Variants in UTRN observed in about 807,000 individuals in gnomAD.
The protein encoded by UTRN is utrophin, also known as dystrophin-related protein 1.
Under a neutral mutation model 463.9 loss-of-function variants are expected in UTRN, and 283 were observed. That is an observed-to-expected ratio of 0.61 (90% CI 0.55 to 0.67). The LOEUF is 0.67. UTRN is among the 30% of genes least tolerant of loss of function. The pLI is 0.00. For missense variants in UTRN, 3,922 were observed against 4,084.3 expected (o/e 0.96, Z 1.08); for synonymous variants, 1,442 against 1,431.5 (o/e 1.01, Z -0.17).
chr6:144,741,745 G>C (rs1298215056), intron 54 of UTRN, among the ~76,000 whole-genome samples: 2 of 152,200 alleles, frequency 1.3e-5, no homozygotes. Flanking sequence ...CTGGTTGTCT[G>C]TTCCAGGGTC....
intron 51 of UTRN, among the ~76,000 whole-genome samples, chr6:144,604,791 T>C (rs1804657106): frequency 6.6e-6 from 1 of 152,136 alleles, no homozygotes; most frequent in Non-Finnish European, 1.5e-5. Context: ...GGCAGGCATC[T>C]GTAATCCCAG....
chr6:144,339,087 C>T (rs997944991), intron 2 of UTRN, among the ~76,000 whole-genome samples: 21 of 152,160 alleles, frequency 1.4e-4, no homozygotes, highest in South Asian at 2.1e-4. Context: ...GGGAAGAGTT[C>T]TGGTTCAGCA....
At chr6:144,798,726 A>G (rs552140429) in intron 64 of UTRN, among the ~76,000 whole-genome samples, 4 of 152,334 alleles carry the variant, frequency 2.6e-5, no homozygotes, top group African/African-American at 7.2e-5. Context: ...GGGAAATTCA[A>G]GATTTTGTGT....
intron 58 of UTRN, among the ~76,000 whole-genome samples, chr6:144,763,598 A>C (rs1027591145): frequency 1.3e-5 from 2 of 152,330 alleles, no homozygotes; most frequent in South Asian, 2.1e-4. Flanking sequence ...CTTCTTTAGA[A>C]GAATTGTGCG....
At position 144,416,495 on chromosome 6, in the gene UTRN, G is replaced by T. The variant is rs1045241294; in HGVS notation, c.142-5383G>T. Among the ~76,000 whole-genome samples the T allele has an allele frequency of 2.0e-5, 3 of 152,040 alleles. No individual in the cohort carries two copies. In the South Asian group the frequency reaches 6.2e-4, roughly 32 times the overall value. On this transcript the variant is annotated intron_variant, in intron 3 of 74. Transcript: ENST00000367545. Reference sequence around the variant, plus strand: ...CAGTTGTTTGCAGCCCTTGCTCCCCGCTAGACCCCCCTGGCTTCTCCCCTT... The same window carrying T: ...CAGTTGTTTGCAGCCCTTGCTCCCCTCTAGACCCCCCTGGCTTCTCCCCTT...
chr6:144,330,422 G>C (rs1157881992), intron 2 of UTRN, among the ~76,000 whole-genome samples: 1 of 152,184 alleles, frequency 6.6e-6, no homozygotes, highest in Non-Finnish European at 1.5e-5. Flanking sequence ...AATTAGTCTG[G>C]AGTATGTAGG....
At chr6:144,660,978 G>A (rs1779810359) in intron 51 of UTRN, among the ~76,000 whole-genome samples, 1 of 152,188 alleles carries the variant, frequency 6.6e-6, no homozygotes, top group Non-Finnish European at 1.5e-5. Context: ...ACCTCCACAT[G>A]CGTGTATGCG....
chr6:144,732,223 T>TATATATACATATATATATATAC, intron 54 of UTRN, among the ~76,000 whole-genome samples: 1 of 43,442 alleles, frequency 2.3e-5, no homozygotes, highest in Middle Eastern at 8.9e-3. Context: ...TTTATATATA[T>TATATATACATATATATATATAC]ATATATATAT....
chr6:144,465,587 A>G (rs183622022), intron 23 of UTRN, among the ~76,000 whole-genome samples: 7 of 152,332 alleles, frequency 4.6e-5, no homozygotes, highest in Admixed American at 2.6e-4. Flanking sequence ...TCTTAATTGT[A>G]TAACTTCTTC....
chr6:144,753,445 T>C (rs553382581), intron 56 of UTRN, among the ~76,000 whole-genome samples: 1 of 152,118 alleles, frequency 6.6e-6, no homozygotes, highest in African/African-American at 2.4e-5. Flanking sequence ...GAAGAGCCTG[T>C]CTCTACAAAA....
At chr6:144,709,018 A>G (rs1179063875) in intron 53 of UTRN, among the ~76,000 whole-genome samples, 1 of 152,190 alleles carries the variant, frequency 6.6e-6, no homozygotes, top group Non-Finnish European at 1.5e-5. Context: ...TGATAATGAC[A>G]TTAGTCCATT....
Position 144,377,285 on chromosome 6 carries a change from C to T in UTRN, c.80-25838C>T, listed in dbSNP as rs1584508458. 2.0e-5 allele frequency among the ~76,000 whole-genome samples: 3 copies of T among 152,280 alleles called. No individual in the cohort carries two copies. In the South Asian group the frequency reaches 6.2e-4, roughly 32 times the overall value. On this transcript the variant is annotated intron_variant, in intron 2 of 74. Coordinates refer to ENST00000367545, the MANE Select transcript of UTRN (RefSeq NM_007124.3). ...CTCCTGGCCTCAAGTGATCTACCTGCCTCAGCCTCCCAAAGTGCTGGGATT... is the reference window on the plus strand; with the variant it reads ...CTCCTGGCCTCAAGTGATCTACCTGTCTCAGCCTCCCAAAGTGCTGGGATT...
chr6:144,651,391 A>G (rs1366083645), intron 51 of UTRN, among the ~76,000 whole-genome samples: 1 of 152,224 alleles, frequency 6.6e-6, no homozygotes, highest in East Asian at 1.9e-4. Context: ...TGTTAGAGGA[A>G]TATTCTACAC....
intron 51 of UTRN, among the ~76,000 whole-genome samples, chr6:144,586,684 C>T (rs1289354721): frequency 6.6e-6 from 1 of 151,904 alleles, no homozygotes; most frequent in African/African-American, 2.4e-5. Context: ...TGTAAGTCCT[C>T]CTTATTTTTT....
At chr6:144,287,024 C>T (rs543929212) in intron 1 of UTRN, among the ~76,000 whole-genome samples, 2 of 151,766 alleles carry the variant, frequency 1.3e-5, no homozygotes, top group African/African-American at 4.9e-5. Flanking sequence ...AGCCGACCCT[C>T]CCGGCCGCCC....
At chr6:144,437,506 T>C (rs559676310) in intron 10 of UTRN, 59 bp from the exon 11 acceptor site, 1 of 1,487,066 alleles carries the variant, frequency 6.7e-7, no homozygotes, top group Non-Finnish European at 9.0e-7. Flanking sequence ...ATTTGTTCAG[T>C]CTTCCTTTTT....
intron 2 of UTRN, among the ~76,000 whole-genome samples, chr6:144,339,985 A>C (rs73591137): frequency 6.6e-6 from 1 of 152,056 alleles, no homozygotes; most frequent in African/African-American, 2.4e-5. Flanking sequence ...CTGACCAACA[A>C]GGTGAAAGCC....
intron 47 of UTRN, among the ~76,000 whole-genome samples, chr6:144,550,564 C>T (rs1481705560): frequency 2.0e-5 from 3 of 152,082 alleles, no homozygotes; most frequent in Non-Finnish European, 2.9e-5. Flanking sequence ...AGTTTGTGTT[C>T]GTACCTGACA....
chr6:144,587,864 C>T (rs1411705558), intron 51 of UTRN, among the ~76,000 whole-genome samples: 2 of 152,136 alleles, frequency 1.3e-5, no homozygotes, highest in South Asian at 2.1e-4. Flanking sequence ...AGTCATGACC[C>T]TCTAGTCTGC....
Sources: allele counts gnomAD v4.1 joint callset (sites outside exome capture counted in the v4.1 genomes callset), GRCh38; gene constraint gnomAD v4.1.1; transcripts MANE v1.5; gene names NCBI Gene and HGNC (gene_info 2026-07-23, HGNC 2026-07-21).